Variants in DOCK2 observed in about 807,000 individuals in gnomAD.
The protein encoded by DOCK2 is dedicator of cytokinesis 2.
DOCK2 carries 87 observed loss-of-function variants against 248.9 expected under a neutral mutation model. That is an observed-to-expected ratio of 0.35 (90% CI 0.29 to 0.42). The LOEUF (loss-of-function observed/expected upper bound fraction) is 0.42. DOCK2 is among the 10% of genes least tolerant of loss of function. The pLI is 1.00. For missense variants in DOCK2, 1,747 were observed against 2,300.2 expected, an observed-to-expected ratio of 0.76 and a Z score of 4.92; for synonymous variants, 805 against 821.6, an observed-to-expected ratio of 0.98 and a Z score of 0.35.
chr5:170,057,767 T>C (rs1302170413), intron 44 of DOCK2, 101 bp downstream of exon 44: 11 of 1,030,216 alleles, frequency 1.1e-5, no homozygotes, highest in East Asian at 5.4e-5. Context: ...GACATGTTTT[T>C]CTTTGAAGCT....
At chr5:169,806,680 G>A (rs261613) in intron 26 of DOCK2, among the ~76,000 whole-genome samples, 4,669 of 152,166 alleles carry the variant, frequency 0.031, 243 homozygotes, top group African/African-American at 0.11. Flanking sequence ...ACACTGTCAT[G>A]CCCACCTTTG....
intron 1 of DOCK2, among the ~76,000 whole-genome samples, chr5:169,638,581 A>C (rs1310785255): frequency 6.6e-6 from 1 of 152,172 alleles, no homozygotes. Flanking sequence ...TTATGCATGG[A>C]AAGCATTTAG....
intron 1 of DOCK2, among the ~76,000 whole-genome samples, chr5:169,647,694 C>T (rs1757545948): frequency 6.6e-6 from 1 of 152,148 alleles, no homozygotes; most frequent in African/African-American, 2.4e-5. Context: ...GTCACACCCT[C>T]TCCCCACCTC....
chr5:170,041,811 A>G (rs1372715725), intron 37 of DOCK2, among the ~76,000 whole-genome samples: 1 of 152,222 alleles, frequency 6.6e-6, no homozygotes, highest in Non-Finnish European at 1.5e-5. Context: ...ACCTCCAAAT[A>G]TCCTGAGTAC....
chr5:169,707,619 G>A (rs1048280029), intron 14 of DOCK2, among the ~76,000 whole-genome samples: 9 of 152,100 alleles, frequency 5.9e-5, no homozygotes, highest in African/African-American at 2.2e-4. Context: ...CCATTATTGT[G>A]ACCTGAACTG....
chr5:169,986,293 C>G (rs1451649280), intron 29 of DOCK2, among the ~76,000 whole-genome samples: 2 of 152,104 alleles, frequency 1.3e-5, no homozygotes. Flanking sequence ...TTAAATTAAA[C>G]AGATTTGAAC....
intron 29 of DOCK2, among the ~76,000 whole-genome samples, chr5:169,992,812 T>A (rs557885462): frequency 5.3e-5 from 8 of 152,174 alleles, no homozygotes; most frequent in Non-Finnish European, 1.2e-4. Context: ...AAAAATGCCT[T>A]ACTTTTCCAA....
intron 30 of DOCK2, among the ~76,000 whole-genome samples, chr5:170,002,366 A>G (rs989036898): frequency 6.6e-6 from 1 of 152,240 alleles, no homozygotes; most frequent in Non-Finnish European, 1.5e-5. Context: ...ATGCTAATAT[A>G]GAAACATTTG....
rs890056075 is a variant in DOCK2 at position 169,912,649 on chromosome 5, G to T, written c.2800-70419G>T. 3.3e-5 allele frequency among the ~76,000 whole-genome samples: 5 copies of T among 150,874 alleles called. No individual in the cohort carries two copies. The East Asian group carries it at 9.7e-4, about 29-fold the overall frequency. ...TGTGTGTGTGTGTGTGTGAGATGCA[G>T]GTGGGTACATTCATTCATGTTGCAT... On this transcript the variant is annotated intron_variant, in intron 27 of 51. Coordinates refer to ENST00000520908, the MANE Select transcript of DOCK2 (RefSeq NM_004946.3).
chr5:169,881,211 A>G (rs1241768207), intron 27 of DOCK2, among the ~76,000 whole-genome samples: 1 of 152,236 alleles, frequency 6.6e-6, no homozygotes, highest in African/African-American at 2.4e-5. Context: ...CTAAGGAAAC[A>G]AAGCAATCCC....
intron 24 of DOCK2, among the ~76,000 whole-genome samples, chr5:169,760,328 A>G (rs1393586220): frequency 6.6e-6 from 1 of 152,210 alleles, no homozygotes; most frequent in Admixed American, 6.5e-5. Flanking sequence ...GACTTTTTAT[A>G]TTTAAATACT....
intron 25 of DOCK2, among the ~76,000 whole-genome samples, chr5:169,782,361 G>A (rs765556437): frequency 6.6e-6 from 1 of 152,064 alleles, no homozygotes; most frequent in African/African-American, 2.4e-5. Context: ...CCAAGAAGAC[G>A]GGAAACTGTG....
chr5:170,051,222 A>G (rs1490499262), intron 41 of DOCK2, among the ~76,000 whole-genome samples: 2 of 152,134 alleles, frequency 1.3e-5, no homozygotes. Context: ...AACTGAAATG[A>G]CGCCATATTG....
chr5:170,033,655 C>T (rs1427445073), intron 34 of DOCK2, among the ~76,000 whole-genome samples: 6 of 152,168 alleles, frequency 3.9e-5, no homozygotes, highest in Non-Finnish European at 7.3e-5. Flanking sequence ...TCCATGCCTT[C>T]GTTTCCCTAT....
chr5:169,806,289 G>A (rs533066057), intron 26 of DOCK2, among the ~76,000 whole-genome samples: 2 of 130,804 alleles, frequency 1.5e-5, no homozygotes, highest in South Asian at 5.6e-4. Flanking sequence ...ATAGGTACCA[G>A]CCACCACACT....
chr5:169,735,991 A>G (rs1053404176), intron 22 of DOCK2, among the ~76,000 whole-genome samples: 2 of 151,974 alleles, frequency 1.3e-5, no homozygotes, highest in African/African-American at 2.4e-5. Flanking sequence ...AGAGTGAGAG[A>G]GAACCAAGTG....
intron 29 of DOCK2, 79 bp from the exon 30 acceptor site, chr5:169,996,007 G>A (rs537968064): frequency 4.0e-6 from 6 of 1,493,898 alleles, no homozygotes; most frequent in Admixed American, 3.7e-5. Flanking sequence ...GAGGGTAAGG[G>A]AATTTTAGTC....
At chr5:169,892,019 G>GA (rs375055930) in intron 27 of DOCK2, among the ~76,000 whole-genome samples, 50 of 146,634 alleles carry the variant, frequency 3.4e-4, no homozygotes, top group African/African-American at 1.2e-3. Flanking sequence ...AAAAGAAAAA[G>GA]AAAAAAGAAA....
At chr5:169,689,933 G>A (rs150969542) in intron 9 of DOCK2, among the ~76,000 whole-genome samples, 16 of 152,342 alleles carry the variant, frequency 1.1e-4, no homozygotes, top group African/African-American at 3.1e-4. Flanking sequence ...TTCTGAGAGC[G>A]AAGCTGGCTT....
Sources: allele counts gnomAD v4.1 joint callset (sites outside exome capture counted in the v4.1 genomes callset), GRCh38; gene constraint gnomAD v4.1.1; transcripts MANE v1.5; gene names NCBI Gene and HGNC (gene_info 2026-07-23, HGNC 2026-07-21).